The following KCNQ1 variants were observed in gnomAD, a reference collection of about 807,000 sequenced individuals.
The protein encoded by KCNQ1 is potassium voltage-gated channel subfamily KQT member 1.
In KCNQ1, 49 loss-of-function variants were observed where a neutral mutation model predicts 72.4. The ratio of observed to expected loss-of-function variants is 0.68; its 90% CI spans 0.54 to 0.86. The LOEUF is 0.86. Ranked by LOEUF, KCNQ1 falls within the 40% of genes least tolerant of loss-of-function variation. KCNQ1 has a pLI of 0.00. For missense variants in KCNQ1, 790 were observed against 945.1 expected, an observed-to-expected ratio of 0.84 and a Z score of 2.15; for synonymous variants, 450 against 412.6, an observed-to-expected ratio of 1.09 and a Z score of -1.10.
chr11:2,448,895 G>T (rs111289280), intron 1 of KCNQ1, among the ~76,000 whole-genome samples: 33 of 152,138 alleles, frequency 2.2e-4, no homozygotes, highest in African/African-American at 7.2e-4. Flanking sequence ...GTACTAGTTG[G>T]GGGGAACACA....
chr11:2,665,421 C>T, intron 11 of KCNQ1: 1 of 397,784 alleles, frequency 2.5e-6, no homozygotes. Flanking sequence ...GATTCTGACC[C>T]ACTCACTATC....
chr11:2,676,764 C>A lies in KCNQ1; in HGVS notation c.1514+14683C>A. The A allele has an allele frequency of 5.0e-6, 2 of 398,588 alleles. No individual in the cohort carries two copies. The highest frequency in any genetic ancestry group is 8.8e-6 in the Non-Finnish European group (2 of 226,070). 24.7% of individuals were successfully genotyped at this position (398,588 alleles called of 1,614,324 possible). A position where few individuals can be genotyped will look rare whatever the true frequency, so the allele number is the denominator to read the frequency against. ...TACGATGGTCTGCTGTATGAAGCAA[C>A]CCTAGGACATTTGAAGAGAATGGAG... is the stretch of plus-strand genomic sequence containing the variant. On this transcript the variant is annotated intron_variant, in intron 11 of 15. Transcript: ENST00000155840. This position sits in a 1 kb window ranked among gnomAD's most constrained non-coding sequence, Gnocchi z 4.2.
In KCNQ1 at chr11:2,491,936, A is replaced by G. The variant is rs1439384457; in HGVS notation, c.387-35992A>G. 1.3e-5 allele frequency among the ~76,000 whole-genome samples: 2 copies of G among 152,178 alleles called. No individual in the cohort carries two copies. The highest frequency in any genetic ancestry group is 4.8e-5 in the African/African-American group (2 of 41,434). On this transcript the variant is annotated intron_variant, in intron 1 of 15. Coordinates refer to ENST00000155840, the MANE Select transcript of KCNQ1 (RefSeq NM_000218.3). The surrounding 1 kb of genome is among the most constrained non-coding windows in gnomAD (Gnocchi z 4.1). ...AGGACATATTTAAGGTGCTGAAGGA[A>G]AAAAAAGAAAAAAACTTTTGCTCTA...
At chr11:2,512,064 C>A (rs994365562) in intron 1 of KCNQ1, among the ~76,000 whole-genome samples, 8 of 152,330 alleles carry the variant, frequency 5.3e-5, no homozygotes, top group African/African-American at 1.9e-4. Context: ...TCGGGCTCGG[C>A]GTGCAAGATT....
rs1848634733 is a variant in KCNQ1, at chr11:2,588,946, G to C, written c.1393+92G>C. 6.8e-7 allele frequency: 1 copy of C among 1,462,296 alleles called. No individual in the cohort carries two copies. The highest frequency in any genetic ancestry group is 1.4e-5 in the African/African-American group (1 of 71,970). 90.6% of individuals were successfully genotyped at this position (1,462,296 alleles called of 1,614,324 possible). A position where few individuals can be genotyped will look rare whatever the true frequency, so the allele number is the denominator to read the frequency against. On this transcript the variant is annotated intron_variant, in intron 10 of 15. Coordinates refer to ENST00000155840, the MANE Select transcript of KCNQ1 (RefSeq NM_000218.3). The surrounding 1 kb of genome is among the most constrained non-coding windows in gnomAD (Gnocchi z 5.6). ...AGCAAGCCAGTGAGTTTCTCCCTTG[G>C]GCTGTGGTCTCTGACAACGAGGTAT...
At position 2,659,537 on chromosome 11, in the gene KCNQ1, T is replaced by A. The variant is rs1849913228; in HGVS notation, c.1394-2424T>A. On this transcript the variant is annotated intron_variant, in intron 10 of 15. Transcript: ENST00000155840. The surrounding 1 kb of genome is among the most constrained non-coding windows in gnomAD (Gnocchi z 4.3). The stretch of plus-strand genomic sequence containing the variant: ...GGACATCTTCATTGTTTCCAGTATT[T>A]GGTAATTATGAGCAGAGTTACTATA... 2.5e-6 allele frequency: 1 copy of A among 398,466 alleles called. No homozygotes were observed. The highest frequency in any genetic ancestry group is 2.1e-5 in the African/African-American group (1 of 48,648). 24.7% of individuals were successfully genotyped at this position (398,466 alleles called of 1,614,324 possible). A position where few individuals can be genotyped will look rare whatever the true frequency, so the allele number is the denominator to read the frequency against.
At position 2,663,272 on chromosome 11, in the gene KCNQ1, G is replaced by C. The variant is rs1850003154; in HGVS notation, c.1514+1191G>C. On this transcript the variant is annotated intron_variant, in intron 11 of 15. Transcript: ENST00000155840. This position sits in a 1 kb window ranked among gnomAD's most constrained non-coding sequence, Gnocchi z 5.2. ...AGGGGTGACTAGTCATGGACACCCT[G>C]AGAATAGGGCTCTGAGCTTCTGGGC... The C allele has an allele frequency of 2.5e-6, 1 of 398,594 alleles. No individual in the cohort carries two copies. Among genetic ancestry groups the C allele is most frequent in the Non-Finnish European group, 4.4e-6 (1 of 226,162 alleles). The allele number at this position is 398,594 out of a possible 1,614,324, so 24.7% of individuals were successfully genotyped here.
At chr11:2,776,796 C>T (rs1590082044) in intron 13 of KCNQ1, among the ~76,000 whole-genome samples, 190 bp from the exon 14 acceptor site, 1 of 152,080 alleles carries the variant, frequency 6.6e-6, no homozygotes, top group Non-Finnish European at 1.5e-5. Flanking sequence ...CCCTGCTCAG[C>T]CCCCTCGGGA....
At position 2,666,855 on chromosome 11, in the gene KCNQ1, T is replaced by C. The variant is rs16928525; in HGVS notation, c.1514+4774T>C. On this transcript the variant is annotated intron_variant, in intron 11 of 15. Coordinates refer to ENST00000155840, the MANE Select transcript of KCNQ1 (RefSeq NM_000218.3). Reference sequence around the variant, plus strand: ...GGGAACCAGTGTCCAGAAGGATGAGTGAGGGGCTTGTCAAGAACAGATGAG... The same window carrying C: ...GGGAACCAGTGTCCAGAAGGATGAGCGAGGGGCTTGTCAAGAACAGATGAG... 7,426 of 398,560 alleles carry C rather than the reference T, an allele frequency of 0.019. 488 individuals carry two copies. Among genetic ancestry groups the C allele is most frequent in the African/African-American group, 0.14 (6,595 of 48,696 alleles). The allele number at this position is 398,560 out of a possible 1,614,324, so 24.7% of individuals were successfully genotyped here.
At position 2,507,800 on chromosome 11, in the gene KCNQ1, C is replaced by A. The variant is rs553365295; in HGVS notation, c.387-20128C>A. On this transcript the variant is annotated intron_variant, in intron 1 of 15. Coordinates refer to ENST00000155840, the MANE Select transcript of KCNQ1 (RefSeq NM_000218.3). The surrounding 1 kb of genome is among the most constrained non-coding windows in gnomAD (Gnocchi z 5.4). The stretch of plus-strand genomic sequence containing the variant: ...CCTGGGTGGGTGGAAGGGCAGAGGG[C>A]AAGGGCCAAGTGATGGCAGCTGTGG... 6.6e-6 allele frequency among the ~76,000 whole-genome samples: 1 copy of A among 151,884 alleles called. No homozygotes were observed. The highest frequency in any genetic ancestry group is 2.4e-5 in the African/African-American group (1 of 41,318).
intron 10 of KCNQ1, chr11:2,614,034 T>A (rs1243241282): frequency 2.5e-6 from 1 of 398,534 alleles, no homozygotes; most frequent in Non-Finnish European, 4.4e-6. Flanking sequence ...TTCCTTAGTG[T>A]GACTGTGCTA....
At chr11:2,820,031 C>T (rs1442125887) in intron 15 of KCNQ1, among the ~76,000 whole-genome samples, 1 of 152,178 alleles carries the variant, frequency 6.6e-6, no homozygotes, top group Non-Finnish European at 1.5e-5. Context: ...AAACAACCTG[C>T]ATTTGGTTTT....
chr11:2,699,779 G>A (rs1850759281), intron 11 of KCNQ1: 2 of 397,674 alleles, frequency 5.0e-6, no homozygotes, highest in Non-Finnish European at 8.9e-6. Flanking sequence ...GAGCCCCGAG[G>A]AGAACCGCGC....
At position 2,765,608 on chromosome 11, in the gene KCNQ1, T is replaced by C. The variant is rs1846483751; in HGVS notation, c.1515-3236T>C. Among the ~76,000 whole-genome samples, 3 of 152,354 alleles carry C rather than the reference T, an allele frequency of 2.0e-5. No homozygotes were observed. The South Asian group carries it at 6.2e-4, about 32-fold the overall frequency. ...TCAAATCTCCCACCATTTTCTCTTT[T>C]AGCTTTTAGTTCTGCCAGTTTGCTT... On this transcript the variant is annotated intron_variant, in intron 11 of 15. Transcript: ENST00000155840.
At chr11:2,502,493 T>C (rs1461650144) in intron 1 of KCNQ1, among the ~76,000 whole-genome samples, 1 of 151,786 alleles carries the variant, frequency 6.6e-6, no homozygotes, top group African/African-American at 2.4e-5. Context: ...AAGTGAGAGA[T>C]CTCTACAATG....
chr11:2,718,118 C>T (rs1371295347), intron 11 of KCNQ1, among the ~76,000 whole-genome samples: 5 of 152,332 alleles, frequency 3.3e-5, no homozygotes, highest in African/African-American at 9.6e-5. Context: ...CCCGTCCTGG[C>T]TTAAACACTT....
rs1357135261 is a variant in KCNQ1, at chr11:2,599,448, C to CT, written c.1393+10595dup. Among the ~76,000 whole-genome samples the CT allele has an allele frequency of 6.6e-6, 1 of 152,158 alleles. No homozygotes were observed. Among genetic ancestry groups the CT allele is most frequent in the Non-Finnish European group, 1.5e-5 (1 of 68,024 alleles). ...TGGTGTACATACTCTGTGATGTTCT[C>CT]TATCGCTTAAAATTCATTTTGTTCA... is the stretch of plus-strand genomic sequence containing the variant. On this transcript the variant is annotated intron_variant, in intron 10 of 15. Coordinates refer to ENST00000155840, the MANE Select transcript of KCNQ1 (RefSeq NM_000218.3). This position sits in a 1 kb window ranked among gnomAD's most constrained non-coding sequence, Gnocchi z 4.7.
At chr11:2,460,957 C>G (rs1846269014) in intron 1 of KCNQ1, among the ~76,000 whole-genome samples, 3 of 152,218 alleles carry the variant, frequency 2.0e-5, no homozygotes, top group African/African-American at 7.2e-5. Flanking sequence ...TGGATGGCCC[C>G]TGTCCTGGGT....
Position 2,652,430 on chromosome 11 carries a change from A to G in KCNQ1, c.1394-9531A>G. On this transcript the variant is annotated intron_variant, in intron 10 of 15. Coordinates refer to ENST00000155840, the MANE Select transcript of KCNQ1 (RefSeq NM_000218.3). The surrounding 1 kb of genome is among the most constrained non-coding windows in gnomAD (Gnocchi z 5.9). ...CCTGTGTAATTTTGTCTTGAAAATC[A>G]AGGCCACTTTTTTGTTTTCTCCATC... 2.5e-6 allele frequency: 1 copy of G among 398,598 alleles called. No individual in the cohort carries two copies. Among genetic ancestry groups the G allele is most frequent in the Non-Finnish European group, 4.4e-6 (1 of 226,062 alleles). 24.7% of individuals were successfully genotyped at this position (398,598 alleles called of 1,614,324 possible).
Sources: gnomAD v4.1 joint callset for allele counts (sites outside exome capture counted in the v4.1 genomes callset) on GRCh38, gnomAD v4.1.1 for gene constraint, Gnocchi (gnomAD v3.1) non-coding constraint, MANE v1.5 for transcripts, NCBI Gene and HGNC (gene_info 2026-07-23, HGNC 2026-07-21) for gene names.